Variants in CCDC43 observed in about 807,000 individuals in gnomAD.
CCDC43 encodes the protein coiled-coil domain containing 43, also known as coiled-coil domain-containing protein 43.
CCDC43 carries 20 observed loss-of-function variants against 33.3 expected under a neutral mutation model. The ratio of observed to expected loss-of-function variants is 0.60; its 90% CI spans 0.42 to 0.87. CCDC43 has a LOEUF of 0.87. Among genes scored for constraint, CCDC43 ranks in the 40% least tolerant of loss-of-function variants. The probability of loss-of-function intolerance (pLI) is 0.00; values close to 1 mark genes in which losing one functional copy is unlikely to be tolerated. For synonymous variants in CCDC43, 104 were observed against 106.5 expected (o/e 0.98, Z 0.14); for missense variants, 248 against 269.9 (o/e 0.92, Z 0.57).
chr17:44,683,225 T>A (rs1197177361), intron 2 of CCDC43, among the ~76,000 whole-genome samples: 1 of 152,160 alleles, frequency 6.6e-6, no homozygotes, highest in African/African-American at 2.4e-5. Flanking sequence ...CCATAATTTG[T>A]GTTATGAAAT....
chr17:44,686,305 T>G (rs887256878), intron 1 of CCDC43, among the ~76,000 whole-genome samples: 1 of 152,214 alleles, frequency 6.6e-6, no homozygotes, highest in Admixed American at 6.5e-5. Context: ...AGCAAAGGAT[T>G]TCTTCCTCTA....
Position 44,689,508 on chromosome 17 carries a change from G to A in CCDC43, c.204+42C>T. 3 of 1,613,018 alleles carry A rather than the reference G, an allele frequency of 1.9e-6. No homozygotes were observed. The East Asian group carries it at 6.7e-5, about 36-fold the overall frequency. On this transcript the variant is annotated intron_variant, in intron 1 of 4. Transcript: ENST00000315286. ...GGTGCAAAGTACTGACAGGTCCTCA[G>A]ATGCTGGCCAGAGGCTGAAGGAATG...
chr17:44,686,646 T>C (rs968676857), intron 1 of CCDC43, among the ~76,000 whole-genome samples: 8 of 152,336 alleles, frequency 5.3e-5, no homozygotes, highest in Admixed American at 3.9e-4. Flanking sequence ...TTCAAGGCAC[T>C]AAGAGGAAAG....
rs568455945 is a variant in CCDC43 at position 44,679,371 on chromosome 17, A to G, written c.488-328T>C. 4.7e-4 allele frequency among the ~76,000 whole-genome samples: 71 copies of G among 152,308 alleles called. 2 individuals are homozygous for G. In the South Asian group the frequency reaches 0.014, roughly 30 times the overall value. On this transcript the variant is annotated intron_variant, in intron 4 of 4. Coordinates refer to ENST00000315286, the MANE Select transcript of CCDC43 (RefSeq NM_144609.3). ...AAATTTCATTCTAGAATAAGTACTT[A>G]TATCATTCAATGGCAGAATATTAGA... is the stretch of plus-strand genomic sequence containing the variant.
chr17:44,688,719 G>A (rs1304865173), intron 1 of CCDC43, among the ~76,000 whole-genome samples: 2 of 152,140 alleles, frequency 1.3e-5, no homozygotes, highest in Non-Finnish European at 2.9e-5. Context: ...CAATTTGTTA[G>A]ACAGCCACAG....
In CCDC43 at chr17:44,689,734, A is replaced by G. The variant is rs774005920; in HGVS notation, c.20T>C (p.Val7Ala). 1 of 1,570,558 alleles carries G rather than the reference A, an allele frequency of 6.4e-7. No homozygotes were observed. The highest frequency in any genetic ancestry group is 8.6e-7 in the Non-Finnish European group (1 of 1,159,846). Residue 7 changes from valine (V) to alanine (A), a missense_variant, in exon 1 of 5, where the codon GTG becomes GCG. Transcript: ENST00000315286. Reference protein sequence around the residue: MAAPSEVAAIAPGEGDG... With the variant: MAAPSEAAAIAPGEGDG... ...GCCTTCGCCAGGGGCTATCGCGGCC[A>G]CTTCGCTGGGCGCCGCCATCTTGGG... is the stretch of plus-strand genomic sequence containing the variant.
At chr17:44,685,818 A>G (rs1330457929) in intron 1 of CCDC43, among the ~76,000 whole-genome samples, 2 of 152,228 alleles carry the variant, frequency 1.3e-5, no homozygotes, top group Non-Finnish European at 2.9e-5. Context: ...TTTATAGAAG[A>G]GGAAACCAAA....
intron 3 of CCDC43, chr17:44,681,685 A>G (rs1972164774): frequency 3.6e-6 from 1 of 278,956 alleles, no homozygotes; most frequent in African/African-American, 2.2e-5. Flanking sequence ...CACTGTATAG[A>G]AAAGTATTAT....
At position 44,677,550 on chromosome 17, in the gene CCDC43, T is replaced by G. The variant is rs1018360289; in HGVS notation, c.*1306A>C. On this transcript the variant is annotated 3_prime_UTR_variant, in exon 5 of 5. Coordinates refer to ENST00000315286, the MANE Select transcript of CCDC43 (RefSeq NM_144609.3). ...CATGTCTCCTTTTCCTTAACCATGTTTTTTTTTTTTTAACCTTCTGCACAA... is the reference window on the plus strand; with the variant it reads ...CATGTCTCCTTTTCCTTAACCATGTGTTTTTTTTTTTAACCTTCTGCACAA... 1 of 145,852 alleles carries G rather than the reference T, an allele frequency of 6.9e-6. No homozygotes were observed. Among genetic ancestry groups the G allele is most frequent in the South Asian group, 2.1e-4 (1 of 4,756 alleles). The allele number at this position is 145,852 out of a possible 1,614,324, so 9.0% of individuals were successfully genotyped here.
intron 3 of CCDC43, among the ~76,000 whole-genome samples, chr17:44,681,073 A>G (rs1972151905): frequency 6.6e-6 from 1 of 152,220 alleles, no homozygotes. Flanking sequence ...GTCCTTTTCT[A>G]GCCCAAGATG....
chr17:44,683,754 A>G lies in CCDC43; in HGVS notation c.292+118T>C, dbSNP rs971168563. 4.8e-5 allele frequency: 33 copies of G among 691,326 alleles called. No individual in the cohort carries two copies. The African/African-American group carries it at 5.2e-4, about 11-fold the overall frequency. 42.8% of individuals were successfully genotyped at this position (691,326 alleles called of 1,614,324 possible). On this transcript the variant is annotated intron_variant, in intron 2 of 4. Coordinates refer to ENST00000315286, the MANE Select transcript of CCDC43 (RefSeq NM_144609.3). Reference sequence around the variant, plus strand: ...GGCTGTTGGGTGTTTGCCAGTGTACACTATCTTCGGGAAAATGAGCATCCA... The same window carrying G: ...GGCTGTTGGGTGTTTGCCAGTGTACGCTATCTTCGGGAAAATGAGCATCCA...
At position 44,678,854 on chromosome 17, in the gene CCDC43, G is replaced by A. The variant is rs1305264857; in HGVS notation, c.*2C>T. On this transcript the variant is annotated 3_prime_UTR_variant, in exon 5 of 5. Coordinates refer to ENST00000315286, the MANE Select transcript of CCDC43 (RefSeq NM_144609.3). The stretch of plus-strand genomic sequence containing the variant: ...GGGGGGAAAGAATAGAGTAGGCCAA[G>A]GTTATCGCTTTCGCTCCCCTCTCTG... 2 of 1,612,734 alleles carry A rather than the reference G, an allele frequency of 1.2e-6. No homozygotes were observed. The highest frequency in any genetic ancestry group is 1.7e-6 in the Non-Finnish European group (2 of 1,179,274).
intron 1 of CCDC43, among the ~76,000 whole-genome samples, chr17:44,685,121 A>G (rs1308346596): frequency 6.6e-6 from 1 of 152,236 alleles, no homozygotes; most frequent in Non-Finnish European, 1.5e-5. Flanking sequence ...TCTATGCAAC[A>G]GATCACTAAA....
chr17:44,679,242 G>T (rs368976446), intron 4 of CCDC43, among the ~76,000 whole-genome samples, 199 bp from the exon 5 acceptor site: 133 of 152,010 alleles, frequency 8.7e-4, no homozygotes, highest in African/African-American at 3.1e-3. Context: ...GTTTTAAAAT[G>T]TCCTTTGGAA....
chr17:44,683,920 C>T lies in CCDC43; in HGVS notation c.244G>A (p.Glu82Lys), dbSNP rs1972197508. ...SLLNICKEIVERWSETQNVVT... is the reference protein window; with the variant it reads ...SLLNICKEIVKRWSETQNVVT... Reference sequence around the variant, plus strand: ...ACATTCTGAGTTTCTGACCATCGTTCCACAATCTCCTTGCAGATATTAAGG... The same window carrying T: ...ACATTCTGAGTTTCTGACCATCGTTTCACAATCTCCTTGCAGATATTAAGG... The change falls in exon 2 of 5, where the codon GAA becomes AAA. Residue 82 changes from glutamate to lysine, a missense_variant. Coordinates refer to ENST00000315286, the MANE Select transcript of CCDC43 (RefSeq NM_144609.3). The T allele has an allele frequency of 1.9e-6, 3 of 1,613,426 alleles. No individual in the cohort carries two copies. Among genetic ancestry groups the T allele is most frequent in the African/African-American group, 1.3e-5 (1 of 75,042 alleles).
At chr17:44,682,879 G>A (rs1972183271) in intron 2 of CCDC43, among the ~76,000 whole-genome samples, 2 of 151,944 alleles carry the variant, frequency 1.3e-5, no homozygotes, top group Admixed American at 6.6e-5. Context: ...ATTTTGCCAT[G>A]CTATAAAATA....
Position 44,685,098 on chromosome 17 carries a change from T to C in CCDC43, c.205-1139A>G, listed in dbSNP as rs543078771. On this transcript the variant is annotated intron_variant, in intron 1 of 4. Coordinates refer to ENST00000315286, the MANE Select transcript of CCDC43 (RefSeq NM_144609.3). Reference sequence around the variant, plus strand: ...ACCACATCCAGCCGATTATTACTTATTATAGTCACCATTCTATGCAACAGA... The same window carrying C: ...ACCACATCCAGCCGATTATTACTTACTATAGTCACCATTCTATGCAACAGA... 6.6e-5 allele frequency among the ~76,000 whole-genome samples: 10 copies of C among 152,342 alleles called. No homozygotes were observed. The South Asian group carries it at 1.9e-3, about 28-fold the overall frequency.
At position 44,689,636 on chromosome 17, in the gene CCDC43, A is replaced by G. The variant is rs1341682635; in HGVS notation, c.118T>C (p.Tyr40His). The G allele has an allele frequency of 6.2e-7, 1 of 1,613,978 alleles. No individual in the cohort carries two copies. The highest frequency in any genetic ancestry group is 1.7e-5 in the Admixed American group (1 of 60,016). Residue 40 changes from tyrosine to histidine, a missense_variant, in exon 1 of 5, where the codon TAT becomes CAT. Transcript: ENST00000315286. ...AGGATACCCAAGATGTAGGCTCCAT[A>G]AACGGCTCGGTCCACTCCCAGTGCC... is the stretch of plus-strand genomic sequence containing the variant. ...LEALGVDRAV[Y>H]GAYILGILQE... is the part of the protein sequence containing the mutation.
Position 44,678,794 on chromosome 17 carries a change from A to G in CCDC43, c.*62T>C, listed in dbSNP as rs1972112719. The G allele has an allele frequency of 6.0e-6, 9 of 1,498,420 alleles. No homozygotes were observed. The allele number at this position is 1,498,420 out of a possible 1,614,324, so 92.8% of individuals were successfully genotyped here. ...TTTGCAATGCACTCTCATTTCTCTT[A>G]AATACACAACCAGTTCTCCCTTTGA... On this transcript the variant is annotated 3_prime_UTR_variant, in exon 5 of 5. Coordinates refer to ENST00000315286, the MANE Select transcript of CCDC43 (RefSeq NM_144609.3).
Sources: gnomAD v4.1 joint callset for allele counts (sites outside exome capture counted in the v4.1 genomes callset) on GRCh38, gnomAD v4.1.1 for gene constraint, MANE v1.5 for transcripts, NCBI Gene and HGNC (gene_info 2026-07-23, HGNC 2026-07-21) for gene names.